Variants in APOA1 observed in about 807,000 individuals in gnomAD.
The protein encoded by APOA1 is apolipoprotein A1.
Under a neutral mutation model 25.9 loss-of-function variants are expected in APOA1, and 22 were observed. The ratio of observed to expected loss-of-function variants is 0.85; its 90% CI spans 0.61 to 1.21. APOA1 has a LOEUF of 1.21. APOA1 is among the 50% of genes most tolerant of loss of function. APOA1 has a pLI of 0.00. For missense variants in APOA1, 351 were observed against 347.9 expected, an observed-to-expected ratio of 1.01 and a Z score of -0.07; for synonymous variants, 163 against 152.2, an observed-to-expected ratio of 1.07 and a Z score of -0.52.
Position 116,835,952 on chromosome 11 carries a change from G to A in APOA1, c.660C>T (p.Ala220=), listed in dbSNP as rs1258362462. 6 of 1,612,272 alleles carry A rather than the reference G, an allele frequency of 3.7e-6. No homozygotes were observed. Among genetic ancestry groups the A allele is most frequent in the South Asian group, 1.1e-5 (1 of 91,088 alleles). Residue 220 remains alanine, a synonymous_variant, in exon 4 of 4, where the codon GCC becomes GCT. Transcript: ENST00000236850. ...GARLAEYHAK[A]TEHLSTLSEK... Reference sequence around the variant, plus strand: ...CGCTGAGCGTGCTCAGATGCTCGGTGGCCTTGGCGTGGTACTCGGCCAGTC... The same window carrying A: ...CGCTGAGCGTGCTCAGATGCTCGGTAGCCTTGGCGTGGTACTCGGCCAGTC...
At chr11:116,836,856 G>T in intron 3 of APOA1, 145 bp downstream of exon 3, 1 of 953,132 alleles carries the variant, frequency 1.0e-6, no homozygotes, top group Non-Finnish European at 1.6e-6. Flanking sequence ...CCTGCCTGGA[G>T]ATCCCATTCC....
At position 116,836,132 on chromosome 11, in the gene APOA1, C is replaced by A. The variant is rs769548576; in HGVS notation, c.480G>T (p.Glu160Asp). ...CCAGTGGGCTCAGCTTCTCTTGCAG[C>A]TCGTGCAGCTTCTGGCGCGCGCCCT... ...LQEGARQKLH[E>D]LQEKLSPLGE... The change falls in exon 4 of 4, where the codon GAG becomes GAT. Residue 160 changes from glutamate to aspartate, a missense_variant. Transcript: ENST00000236850. 6.2e-6 allele frequency: 10 copies of A among 1,612,938 alleles called. No individual in the cohort carries two copies. The highest frequency in any genetic ancestry group is 8.5e-6 in the Non-Finnish European group (10 of 1,179,982).
rs1270771432 is a variant in APOA1, at chr11:116,835,985, G to A, written c.627C>T (p.Gly209=). 2.5e-6 allele frequency: 4 copies of A among 1,609,630 alleles called. No individual in the cohort carries two copies. Among genetic ancestry groups the A allele is most frequent in the Non-Finnish European group, 3.4e-6 (4 of 1,179,884 alleles). Reference sequence around the variant, plus strand: ...CGTGGTACTCGGCCAGTCTGGCGCCGCCGTTCTCCTTGAGAGCCTCAAGGC... The same window carrying A: ...CGTGGTACTCGGCCAGTCTGGCGCCACCGTTCTCCTTGAGAGCCTCAAGGC... The part of the protein sequence containing the change: ...AARLEALKEN[G]GARLAEYHAK... The change falls in exon 4 of 4, where the codon GGC becomes GGT. Residue 209 remains glycine, a synonymous_variant. Transcript: ENST00000236850.
chr11:116,836,951 A>G (rs751588724), intron 3 of APOA1, 50 bp downstream of exon 3: 42 of 1,601,154 alleles, frequency 2.6e-5, no homozygotes, highest in Middle Eastern at 1.7e-4. Flanking sequence ...ACATCATCCC[A>G]CAGGCCTCTG....
At chr11:116,836,775 G>A (rs567702310) in intron 3 of APOA1, among the ~76,000 whole-genome samples, 1 of 152,368 alleles carries the variant, frequency 6.6e-6, no homozygotes, top group Admixed American at 6.5e-5. Flanking sequence ...ACACTTGCAG[G>A]CACAATGTGG....
In APOA1 at chr11:116,836,085, G is replaced by A. The variant is rs751082973; in HGVS notation, c.527C>T (p.Ala176Val). The A allele has an allele frequency of 6.8e-6, 11 of 1,606,470 alleles. No homozygotes were observed. The Admixed American group carries it at 1.5e-4, about 22-fold the overall frequency. ...GCGCAGCGCGTCCACATGGGCGCGC[G>A]CGCGGTCGCGCATCTCCTCGCCCAG... ...SPLGEEMRDR[A>V]RAHVDALRTH... The change falls in exon 4 of 4, where the codon GCG becomes GTG. Residue 176 changes from alanine to valine, a missense_variant. Coordinates refer to ENST00000236850, the MANE Select transcript of APOA1 (RefSeq NM_000039.3).
In APOA1 at chr11:116,836,379, G is replaced by A. The variant is rs1186379024; in HGVS notation, c.233C>T (p.Thr78Ile). Residue 78 changes from threonine to isoleucine, a missense_variant, in exon 4 of 4, where the codon ACC becomes ATC. Thr to Ile is a moderately conservative substitution (Grantham distance 89). Coordinates refer to ENST00000236850, the MANE Select transcript of APOA1 (RefSeq NM_000039.3). The stretch of plus-strand genomic sequence containing the variant: ...TTCGCGCAGCTTGCTGAAGGTGGAG[G>A]TCACGCTGTCCCAGTTGTCAAGGAG... ...LKLLDNWDSV[T>I]STFSKLREQL... is the part of the protein sequence containing the mutation. 14 of 1,614,000 alleles carry A rather than the reference G, an allele frequency of 8.7e-6. No homozygotes were observed. Among genetic ancestry groups the A allele is most frequent in the South Asian group, 1.1e-5 (1 of 91,092 alleles).
At chr11:116,837,472 C>A in intron 1 of APOA1, 65 bp from the exon 2 acceptor site, 8 of 1,482,032 alleles carry the variant, frequency 5.4e-6, no homozygotes, top group Non-Finnish European at 6.5e-6. Flanking sequence ...CGTGCTCCCC[C>A]ACTCATTGCA....
In APOA1 at chr11:116,837,020, C is replaced by T. The variant is rs12718465; in HGVS notation, c.181G>A (p.Ala61Thr). 2,164 of 1,614,144 alleles carry T rather than the reference C, an allele frequency of 1.3e-3. 46 individuals carry two copies. In the East Asian group the frequency reaches 0.044, roughly 33 times the overall value. The change falls in exon 3 of 4, where the codon GCC (alanine) becomes ACC (threonine). Residue 61 changes from alanine (A) to threonine (T), a missense_variant. Transcript: ENST00000236850. Reference sequence around the variant, plus strand: ...CCTTACTTTAGCTGTTTTCCCAAGGCGGAGCCTTCAAACTGGGACACATAG... The same window carrying T: ...CCTTACTTTAGCTGTTTTCCCAAGGTGGAGCCTTCAAACTGGGACACATAG... ...RDYVSQFEGS[A>T]LGKQLNLKLL... is the part of the protein sequence containing the mutation.
Position 116,835,946 on chromosome 11 carries a change from C to T in APOA1, c.666G>A (p.Glu222=), listed in dbSNP as rs749406849. Residue 222 remains glutamate, a synonymous_variant, in exon 4 of 4, where the codon GAG becomes GAA. Transcript: ENST00000236850. The part of the protein sequence containing the change: ...RLAEYHAKAT[E]HLSTLSEKAK... Reference sequence around the variant, plus strand: ...CCTTCTCGCTGAGCGTGCTCAGATGCTCGGTGGCCTTGGCGTGGTACTCGG... The same window carrying T: ...CCTTCTCGCTGAGCGTGCTCAGATGTTCGGTGGCCTTGGCGTGGTACTCGG... 1.9e-5 allele frequency: 30 copies of T among 1,612,536 alleles called. No homozygotes were observed. The highest frequency in any genetic ancestry group is 2.5e-5 in the Non-Finnish European group (30 of 1,179,960).
chr11:116,836,492 C>A, intron 3 of APOA1, 81 bp from the exon 4 acceptor site: 1 of 1,565,038 alleles, frequency 6.4e-7, no homozygotes, highest in Non-Finnish European at 8.7e-7. Flanking sequence ...TGACACCTGT[C>A]CGCGGAGGTG....
rs121912717 is a variant in APOA1, at chr11:116,835,948, C to T, written c.664G>A (p.Glu222Lys). The T allele has an allele frequency of 1.1e-5, 17 of 1,612,400 alleles. No homozygotes were observed. The highest frequency in any genetic ancestry group is 2.7e-5 in the African/African-American group (2 of 75,050). ...RLAEYHAKAT[E>K]HLSTLSEKAK... The stretch of plus-strand genomic sequence containing the variant: ...TTCTCGCTGAGCGTGCTCAGATGCT[C>T]GGTGGCCTTGGCGTGGTACTCGGCC... Residue 222 changes from glutamate (E) to lysine (K), a missense_variant, in exon 4 of 4, where the codon GAG (glutamate) becomes AAG (lysine). Transcript: ENST00000236850.
chr11:116,836,026 G>A lies in APOA1; in HGVS notation c.586C>T (p.Gln196Ter). The A allele has an allele frequency of 6.2e-7, 1 of 1,606,552 alleles. No homozygotes were observed. The highest frequency in any genetic ancestry group is 8.5e-7 in the Non-Finnish European group (1 of 1,179,558). The change falls in exon 4 of 4, where the codon CAG (glutamine) becomes TAG (stop). Residue 196 changes from glutamine to a stop codon, truncating the protein, a stop_gained. Transcript: ENST00000236850. LOFTEE classifies it high-confidence loss of function. ...GCCTCAAGGCGCGCGGCCAAGCGCTGGCGCAGCTCGTCGCTGTAGGGGGCC... is the reference window on the plus strand; with the variant it reads ...GCCTCAAGGCGCGCGGCCAAGCGCTAGCGCAGCTCGTCGCTGTAGGGGGCC... The part of the protein sequence containing the change: ...HLAPYSDELR[Q>*]RLAARLEALK...
Position 116,836,177 on chromosome 11 carries a change from C to T in APOA1, c.435G>A (p.Pro145=). Residue 145 remains proline, a synonymous_variant, in exon 4 of 4, where the codon CCG becomes CCA. Transcript: ENST00000236850. ...CGCCCTCTTGGAGCTCTGCGCGCAG[C>T]GGCTCCACCTTCTGGCGGTAGAGCT... is the stretch of plus-strand genomic sequence containing the variant. ...EMELYRQKVE[P]LRAELQEGAR... 1 of 1,613,628 alleles carries T rather than the reference C, an allele frequency of 6.2e-7. No individual in the cohort carries two copies. The highest frequency in any genetic ancestry group is 8.5e-7 in the Non-Finnish European group (1 of 1,180,026).
At position 116,836,215 on chromosome 11, in the gene APOA1, G is replaced by C. The variant is rs1477406012; in HGVS notation, c.397C>G (p.Gln133Glu). 2 of 1,613,938 alleles carry C rather than the reference G, an allele frequency of 1.2e-6. No individual in the cohort carries two copies. Among genetic ancestry groups the C allele is most frequent in the African/African-American group, 2.7e-5 (2 of 74,934 alleles). ...TGGCGGTAGAGCTCCATCTCCTCCT[G>C]CCACTTCTTCTGGAAGTCGTCCAGG... ...PYLDDFQKKW[Q>E]EEMELYRQKV... is the part of the protein sequence containing the mutation. The change falls in exon 4 of 4, where the codon CAG becomes GAG. Residue 133 changes from glutamine (Q) to glutamate (E), a missense_variant. Gln to Glu is a conservative substitution (Grantham distance 29). Coordinates refer to ENST00000236850, the MANE Select transcript of APOA1 (RefSeq NM_000039.3).
At position 116,837,409 on chromosome 11, in the gene APOA1, T is replaced by TGGA; in HGVS notation, c.-20-5_-20-3dup. 3 of 1,554,594 alleles carry TGGA rather than the reference T, an allele frequency of 1.9e-6. No homozygotes were observed. The highest frequency in any genetic ancestry group is 2.6e-6 in the Non-Finnish European group (3 of 1,148,590). On this transcript the variant is annotated splice_polypyrimidine_tract_variant and splice_region_variant and intron_variant, in intron 1 of 3. Coordinates refer to ENST00000236850, the MANE Select transcript of APOA1 (RefSeq NM_000039.3). ...TCATCCTGAAGGGCCGTGGGGGACCTGGAGGAGAAGAAGGGCCTGGCTGAG... is the reference window on the plus strand; with the variant it reads ...TCATCCTGAAGGGCCGTGGGGGACCTGGAGGAGGAGAAGAAGGGCCTGGCTGAG...
At position 116,836,049 on chromosome 11, in the gene APOA1, G is replaced by A. The variant is rs902427004; in HGVS notation, c.563C>T (p.Ala188Val). Residue 188 changes from alanine (A) to valine (V), a missense_variant, in exon 4 of 4, where the codon GCC (alanine) becomes GTC (valine). Transcript: ENST00000236850. ...CTGGCGCAGCTCGTCGCTGTAGGGG[G>A]CCAGATGCGTGCGCAGCGCGTCCAC... ...AHVDALRTHL[A>V]PYSDELRQRL... is the part of the protein sequence containing the mutation. The A allele has an allele frequency of 2.5e-6, 4 of 1,605,324 alleles. No homozygotes were observed. Among genetic ancestry groups the A allele is most frequent in the East Asian group, 2.2e-5 (1 of 44,816 alleles).
Position 116,835,884 on chromosome 11 carries a change from A to C in APOA1, c.728T>G (p.Leu243Arg), listed in dbSNP as rs1941528447. 5 of 1,613,080 alleles carry C rather than the reference A, an allele frequency of 3.1e-6. No homozygotes were observed. Among genetic ancestry groups the C allele is most frequent in the Non-Finnish European group, 3.4e-6 (4 of 1,180,014 alleles). Residue 243 changes from leucine to arginine, a missense_variant, in exon 4 of 4, where the codon CTG (leucine) becomes CGG (arginine). Transcript: ENST00000236850. Reference protein sequence around the residue: ...PALEDLRQGLLPVLESFKVSF... With the variant: ...PALEDLRQGLRPVLESFKVSF... Reference sequence around the variant, plus strand: ...GACCTTGAAGCTCTCCAGCACGGGCAGCAGGCCTTGGCGGAGGTCCTCGAG... The same window carrying C: ...GACCTTGAAGCTCTCCAGCACGGGCCGCAGGCCTTGGCGGAGGTCCTCGAG...
chr11:116,836,920 G>A lies in APOA1; in HGVS notation c.200+81C>T, dbSNP rs1591330971. On this transcript the variant is annotated intron_variant, in intron 3 of 3. Coordinates refer to ENST00000236850, the MANE Select transcript of APOA1 (RefSeq NM_000039.3). ...CCCAGCTCATCAGATATTAGGTGAG[G>A]ACTCGGCCAGTCTGGCTTCAACATC... is the stretch of plus-strand genomic sequence containing the variant. 2.7e-6 allele frequency: 4 copies of A among 1,472,550 alleles called. No homozygotes were observed. In the East Asian group the frequency reaches 6.8e-5, roughly 25 times the overall value. 91.2% of individuals were successfully genotyped at this position (1,472,550 alleles called of 1,614,324 possible).
Sources: gnomAD v4.1 joint callset for allele counts (sites outside exome capture counted in the v4.1 genomes callset) on GRCh38, gnomAD v4.1.1 for gene constraint, MANE v1.5 for transcripts, NCBI Gene and HGNC (gene_info 2026-07-23, HGNC 2026-07-21) for gene names.